Variants in RBFOX1 observed in about 807,000 individuals in gnomAD.
RBFOX1 encodes RNA binding fox-1 homolog 1, also known as RNA binding protein fox-1 homolog 1.
RBFOX1 carries 8 observed loss-of-function variants against 57.7 expected under a neutral mutation model. The observed-to-expected ratio is 0.14, with a 90% CI of 0.08 to 0.25. The LOEUF is 0.25. RBFOX1 is among the 10% of genes least tolerant of loss of function. The pLI is 1.00. For missense variants in RBFOX1, 611 were observed against 548.5 expected, an observed-to-expected ratio of 1.11 and a Z score of -1.14; for synonymous variants, 326 against 222.4, an observed-to-expected ratio of 1.47 and a Z score of -4.15.
chr16:6,521,061 C>T (rs911671204), intron 2 of RBFOX1, among the ~76,000 whole-genome samples: 13 of 152,102 alleles, frequency 8.5e-5, no homozygotes, highest in Admixed American at 7.9e-4. Flanking sequence ...TTTAATCAAG[C>T]AATTCCACGC....
intron 4 of RBFOX1, among the ~76,000 whole-genome samples, chr16:7,265,901 G>A (rs565881991): frequency 5.3e-5 from 8 of 150,596 alleles, no homozygotes; most frequent in African/African-American, 2.0e-4. Context: ...ATGGGAATGG[G>A]TTCTTCCTTG....
intron 3 of RBFOX1, among the ~76,000 whole-genome samples, chr16:6,687,064 C>A (rs2059540541): frequency 6.6e-6 from 1 of 152,148 alleles, no homozygotes; most frequent in Non-Finnish European, 1.5e-5. Context: ...ACAGGAACAG[C>A]AGGTATCTAG....
rs570785710 is a variant in RBFOX1 at position 5,740,490 on chromosome 16, C to G, written c.319-126813C>G. 2.0e-5 allele frequency among the ~76,000 whole-genome samples: 3 copies of G among 152,286 alleles called. No individual in the cohort carries two copies. In the East Asian group the frequency reaches 5.8e-4, roughly 29 times the overall value. On this transcript the variant is annotated intron_variant, in intron 3 of 19. Coordinates refer to the RBFOX1 transcript ENST00000641259. ...CTTAACCTTGTAAAGTTTTCTGTAG[C>G]AAACTCATGGATCAGTTAGGACTCA...
chr16:7,562,942 C>G (rs1006473358), intron 5 of RBFOX1, among the ~76,000 whole-genome samples: 17 of 152,162 alleles, frequency 1.1e-4, no homozygotes, highest in Non-Finnish European at 2.2e-4. Flanking sequence ...AACCAAGTGC[C>G]CCGAGAGCTG....
At chr16:6,693,759 C>T (rs201994058) in intron 3 of RBFOX1, among the ~76,000 whole-genome samples, 2 of 151,996 alleles carry the variant, frequency 1.3e-5, no homozygotes, top group African/African-American at 4.8e-5. Context: ...AACATCACCA[C>T]CATCATTAGC....
chr16:6,819,263 T>A (rs923400207), intron 3 of RBFOX1, among the ~76,000 whole-genome samples: 8 of 152,208 alleles, frequency 5.3e-5, no homozygotes, highest in African/African-American at 1.9e-4. Context: ...ACTTTGTGTC[T>A]CCCAGTGGAA....
At chr16:7,474,229 G>C (rs2062153283) in intron 4 of RBFOX1, among the ~76,000 whole-genome samples, 1 of 152,178 alleles carries the variant, frequency 6.6e-6, no homozygotes, top group African/African-American at 2.4e-5. Flanking sequence ...GGAAGTTGCA[G>C]TGAGCCGAGA....
intron 4 of RBFOX1, among the ~76,000 whole-genome samples, chr16:5,880,469 C>T (rs914367348): frequency 6.6e-6 from 1 of 152,220 alleles, no homozygotes; most frequent in Non-Finnish European, 1.5e-5. Flanking sequence ...TTATTACTTT[C>T]AGCCAGCAGA....
intron 4 of RBFOX1, among the ~76,000 whole-genome samples, chr16:7,401,735 T>C (rs1224959913): frequency 2.0e-5 from 3 of 152,156 alleles, no homozygotes; most frequent in Non-Finnish European, 2.9e-5. Context: ...GGAAATGTAT[T>C]TGAAAATATT....
chr16:6,310,055 T>C lies in RBFOX1; in HGVS notation c.-126-6940T>C, dbSNP rs548234439. The stretch of plus-strand genomic sequence containing the variant: ...GGTGCCTGCCACCACGCCCAGCTAA[T>C]TTTTGTATTTTTAGTAGGGATGGGG... On this transcript the variant is annotated intron_variant, in intron 1 of 15. Transcript: ENST00000550418. Among the ~76,000 whole-genome samples, 434 of 152,238 alleles carry C rather than the reference T, an allele frequency of 2.9e-3. 2 individuals carry two copies. Among genetic ancestry groups the C allele is most frequent in the African/African-American group, 0.01 (421 of 41,548 alleles).
intron 2 of RBFOX1, among the ~76,000 whole-genome samples, chr16:6,626,575 C>A (rs1160175585): frequency 5.9e-5 from 9 of 152,122 alleles, no homozygotes; most frequent in Non-Finnish European, 1.3e-4. Flanking sequence ...GCCTGGCCAA[C>A]ATGGTGAAAC....
intron 4 of RBFOX1, among the ~76,000 whole-genome samples, chr16:7,089,462 C>T (rs534454908): frequency 1.3e-5 from 2 of 152,044 alleles, no homozygotes; most frequent in Admixed American, 1.3e-4. Context: ...AAAAACTATA[C>T]TAGCATTTCA....
At chr16:7,525,642 C>T (rs1321742904) in intron 5 of RBFOX1, among the ~76,000 whole-genome samples, 1 of 152,158 alleles carries the variant, frequency 6.6e-6, no homozygotes, top group Non-Finnish European at 1.5e-5. Flanking sequence ...GTGGCTTTCC[C>T]CCTCTCTGAC....
At chr16:7,100,681 A>G (rs564457122) in intron 4 of RBFOX1, among the ~76,000 whole-genome samples, 45 of 152,066 alleles carry the variant, frequency 3.0e-4, no homozygotes, top group African/African-American at 1.0e-3. Context: ...AATGAAATGA[A>G]CAATAACAAC....
intron 10 of RBFOX1, among the ~76,000 whole-genome samples, chr16:7,620,686 A>G (rs2059173046): frequency 6.6e-6 from 1 of 152,146 alleles, no homozygotes; most frequent in Admixed American, 6.6e-5. Context: ...GGGGTAATGG[A>G]TATTGATCAT....
chr16:6,857,018 T>C (rs2058037287), intron 3 of RBFOX1, among the ~76,000 whole-genome samples: 1 of 152,132 alleles, frequency 6.6e-6, no homozygotes, highest in Non-Finnish European at 1.5e-5. Context: ...TTTGGAGTTT[T>C]TCAATGGCTT....
At chr16:6,812,632 C>G (rs569702589) in intron 3 of RBFOX1, among the ~76,000 whole-genome samples, 2 of 152,166 alleles carry the variant, frequency 1.3e-5, no homozygotes, top group Non-Finnish European at 2.9e-5. Context: ...CCGCCTCAGC[C>G]TACCACAGTG....
intron 3 of RBFOX1, among the ~76,000 whole-genome samples, chr16:5,647,896 G>C (rs1447891569): frequency 6.6e-6 from 1 of 152,120 alleles, no homozygotes; most frequent in South Asian, 2.1e-4. Flanking sequence ...GTTTCATTCT[G>C]TCACTCAGCC....
chr16:7,000,213 G>C (rs1275498007), intron 3 of RBFOX1, among the ~76,000 whole-genome samples: 2 of 151,958 alleles, frequency 1.3e-5, no homozygotes, highest in Non-Finnish European at 2.9e-5. Flanking sequence ...CTTGAAAGTA[G>C]CAATAATCTG....
Sources: gnomAD v4.1 joint callset for allele counts (sites outside exome capture counted in the v4.1 genomes callset) on GRCh38, gnomAD v4.1.1 for gene constraint, MANE v1.5 for transcripts, NCBI Gene and HGNC (gene_info 2026-07-23, HGNC 2026-07-21) for gene names.